Variants in ANO9 observed in about 807,000 individuals in gnomAD.
ANO9 encodes the protein anoctamin 9.
ANO9 carries 80 observed loss-of-function variants against 100.5 expected under a neutral mutation model. That is an observed-to-expected ratio of 0.80 (90% confidence interval 0.66 to 0.96). The LOEUF (loss-of-function observed/expected upper bound fraction) is 0.96. Among genes scored for constraint, ANO9 ranks in the 40% least tolerant of loss-of-function variants. The pLI is 0.00. For synonymous variants in ANO9, 473 were observed against 435.6 expected, an observed-to-expected ratio of 1.09 and a Z score of -1.07; for missense variants, 1,064 against 1,072.7, an observed-to-expected ratio of 0.99 and a Z score of 0.11.
At chr11:427,941 G>A (rs1348502792) in intron 15 of ANO9, 147 bp downstream of exon 15, 2 of 262,618 alleles carry the variant, frequency 7.6e-6, no homozygotes, top group Non-Finnish European at 1.3e-5. Flanking sequence ...GCTCACTGCA[G>A]GCTTTGCTCA....
At chr11:429,950 TG>T in intron 9 of ANO9, 132 bp from the exon 10 acceptor site, 1 of 915,788 alleles carries the variant, frequency 1.1e-6, no homozygotes, top group Non-Finnish European at 1.6e-6. Flanking sequence ...GGGCTGGGGC[TG>T]GGCCTCCCCG....
chr11:418,046 C>G lies in ANO9; in HGVS notation c.*325G>C, dbSNP rs1279223106. 1 of 336,062 alleles carries G rather than the reference C, an allele frequency of 3.0e-6. No individual in the cohort carries two copies. The highest frequency in any genetic ancestry group is 2.1e-5 in the African/African-American group (1 of 47,134). 20.8% of individuals were successfully genotyped at this position (336,062 alleles called of 1,614,324 possible). ...GATGGGGGCACGGCAGGATCTGGCG[C>G]CCAGAAGTCAGAGGGAGGCCCAGGA... On this transcript the variant is annotated 3_prime_UTR_variant, in exon 23 of 23. Transcript: ENST00000332826.
chr11:424,906 C>T (rs1246494397), intron 15 of ANO9, among the ~76,000 whole-genome samples: 2 of 151,928 alleles, frequency 1.3e-5, no homozygotes, highest in East Asian at 3.9e-4. Flanking sequence ...GAAATCTCTC[C>T]AGATGTTACA....
intron 1 of ANO9, among the ~76,000 whole-genome samples, chr11:436,629 C>G (rs1251717578): frequency 6.7e-6 from 1 of 149,910 alleles, no homozygotes; most frequent in African/African-American, 2.5e-5. Context: ...AGGGAGTGAG[C>G]AGGGAGTGAG....
intron 1 of ANO9, 39 bp downstream of exon 1, chr11:441,882 G>A (rs1845911413): frequency 1.7e-5 from 28 of 1,600,864 alleles, no homozygotes; most frequent in Non-Finnish European, 2.0e-5. Flanking sequence ...CGTGGCTGGG[G>A]GCCTTGAAGG....
At position 422,526 on chromosome 11, in the gene ANO9, T is replaced by G. The variant is rs890671108; in HGVS notation, c.1335-1328A>C. Reference sequence around the variant, plus strand: ...GGGAGCTGGCCTGACTCAGAAGGAATCAGAAGGACTCAGGACTCACTCAGA... The same window carrying G: ...GGGAGCTGGCCTGACTCAGAAGGAAGCAGAAGGACTCAGGACTCACTCAGA... On this transcript the variant is annotated intron_variant, in intron 15 of 22. Coordinates refer to ENST00000332826, the MANE Select transcript of ANO9 (RefSeq NM_001012302.3). The surrounding 1 kb of genome is among the most constrained non-coding windows in gnomAD (Gnocchi z 4.3). Among the ~76,000 whole-genome samples the G allele has an allele frequency of 6.6e-6, 1 of 152,176 alleles. No homozygotes were observed. The highest frequency in any genetic ancestry group is 2.4e-5 in the African/African-American group (1 of 41,448).
intron 9 of ANO9, 102 bp from the exon 10 acceptor site, chr11:429,920 G>T: frequency 8.6e-7 from 1 of 1,166,498 alleles, no homozygotes; most frequent in East Asian, 2.6e-5. Context: ...GGGGCAGGTG[G>T]GCTGAGGAAA....
chr11:436,905 A>T (rs578174203), intron 1 of ANO9, among the ~76,000 whole-genome samples: 1 of 1,658 alleles, frequency 6.0e-4, no homozygotes, highest in East Asian at 0.12. Context: ...GGAGGTGAGC[A>T]GGGGGTGAGC....
At position 422,301 on chromosome 11, in the gene ANO9, G is replaced by A. The variant is rs1241967535; in HGVS notation, c.1335-1103C>T. The stretch of plus-strand genomic sequence containing the variant: ...AACGGAGGATGTATTTGTAGTCAGA[G>A]CGATGGGCCGCAAAGACGTCCACGT... On this transcript the variant is annotated intron_variant, in intron 15 of 22. Coordinates refer to ENST00000332826, the MANE Select transcript of ANO9 (RefSeq NM_001012302.3). This position sits in a 1 kb window ranked among gnomAD's most constrained non-coding sequence, Gnocchi z 4.3. 6.6e-6 allele frequency among the ~76,000 whole-genome samples: 1 copy of A among 152,260 alleles called. No homozygotes were observed. The highest frequency in any genetic ancestry group is 1.5e-5 in the Non-Finnish European group (1 of 68,042).
chr11:420,098 G>T, intron 19 of ANO9: 1 of 1,312,210 alleles, frequency 7.6e-7, no homozygotes, highest in Non-Finnish European at 9.7e-7. Context: ...CACATCCAGC[G>T]CCCCAGCTCC....
rs1373561141 is a variant in ANO9 at position 422,038 on chromosome 11, A to G, written c.1335-840T>C. Among the ~76,000 whole-genome samples the G allele has an allele frequency of 6.6e-6, 1 of 152,248 alleles. No individual in the cohort carries two copies. The highest frequency in any genetic ancestry group is 2.4e-5 in the African/African-American group (1 of 41,468). On this transcript the variant is annotated intron_variant, in intron 15 of 22. Coordinates refer to ENST00000332826, the MANE Select transcript of ANO9 (RefSeq NM_001012302.3). The surrounding 1 kb of genome is among the most constrained non-coding windows in gnomAD (Gnocchi z 4.3). ...AACTGAAAGCCTGGGTGGATAAATC[A>G]ATCGAGTGCTCAAGTGGATACAAAA...
At position 432,063 on chromosome 11, in the gene ANO9, C is replaced by G. The variant is rs201816433; in HGVS notation, c.351-9G>C. On this transcript the variant is annotated splice_polypyrimidine_tract_variant and intron_variant, in intron 4 of 22. Transcript: ENST00000332826. This position sits in a 1 kb window ranked among gnomAD's most constrained non-coding sequence, Gnocchi z 4.8. ...CGATTCGGATTCTGAGACTCAAGAG[C>G]CAGAGCAGGGTGGCCCCGTGTGACC... The G allele has an allele frequency of 1.3e-5, 21 of 1,612,712 alleles. No homozygotes were observed. The highest frequency in any genetic ancestry group is 1.8e-5 in the Non-Finnish European group (21 of 1,179,742).
At position 441,922 on chromosome 11, in the gene ANO9, T is replaced by C; in HGVS notation, c.5A>G (p.Gln2Arg). ...GACCCTTTTGAGCGCAGGACTCACC[T>C]GCATGCTGGCTGTGGCCGGAGTTCC... is the stretch of plus-strand genomic sequence containing the variant. The part of the protein sequence containing the change: M[Q>R]GEESLRILVE... Residue 2 changes from glutamine to arginine, a missense_variant and splice_region_variant, in exon 1 of 23, where the codon CAG becomes CGG. By Grantham distance (43) the Gln-to-Arg change is conservative. Coordinates refer to ENST00000332826, the MANE Select transcript of ANO9 (RefSeq NM_001012302.3). The C allele has an allele frequency of 6.2e-7, 1 of 1,607,824 alleles. No homozygotes were observed.
intron 21 of ANO9, 30 bp from the exon 22 acceptor site, chr11:418,843 G>T (rs576751915): frequency 6.2e-7 from 1 of 1,613,594 alleles, no homozygotes; most frequent in African/African-American, 1.3e-5. Flanking sequence ...GAGGTCAGGG[G>T]TCAGGAGTTC....
At position 418,436 on chromosome 11, in the gene ANO9, G is replaced by A. The variant is rs1271384417; in HGVS notation, c.2284C>T (p.Arg762Trp). The A allele has an allele frequency of 3.0e-5, 49 of 1,612,404 alleles. No individual in the cohort carries two copies. The highest frequency in any genetic ancestry group is 1.7e-4 in the Admixed American group (10 of 59,986). The change falls in exon 23 of 23, where the codon CGG (arginine) becomes TGG (tryptophan). Residue 762 changes from arginine (R) to tryptophan (W), a missense_variant. By Grantham distance (101) the Arg-to-Trp change is moderately radical. Transcript: ENST00000332826. ...QRLGGVGAGS[R>W]PPMPAHPTPA... ...GTGGGATGGGCAGGCATTGGGGGCCGAGAGCCTGCCCCCACCCCACCCAGC... is the reference window on the plus strand; with the variant it reads ...GTGGGATGGGCAGGCATTGGGGGCCAAGAGCCTGCCCCCACCCCACCCAGC...
intron 9 of ANO9, 48 bp downstream of exon 9, chr11:430,035 C>T: frequency 1.3e-6 from 2 of 1,530,836 alleles, no homozygotes; most frequent in Non-Finnish European, 1.8e-6. Flanking sequence ...GGTGGATGCA[C>T]CGTTCCCATC....
intron 15 of ANO9, among the ~76,000 whole-genome samples, chr11:423,480 A>C (rs1848315021): frequency 6.6e-6 from 1 of 152,168 alleles, no homozygotes; most frequent in African/African-American, 2.4e-5. Context: ...TGCCCCTTGC[A>C]GCAAAACAAA....
At position 432,068 on chromosome 11, in the gene ANO9, G is replaced by T; in HGVS notation, c.351-14C>A. ...CGGATTCTGAGACTCAAGAGCCAGA[G>T]CAGGGTGGCCCCGTGTGACCACAGT... is the stretch of plus-strand genomic sequence containing the variant. On this transcript the variant is annotated splice_polypyrimidine_tract_variant and intron_variant, in intron 4 of 22. Coordinates refer to ENST00000332826, the MANE Select transcript of ANO9 (RefSeq NM_001012302.3). This position sits in a 1 kb window ranked among gnomAD's most constrained non-coding sequence, Gnocchi z 4.8. 6.2e-7 allele frequency: 1 copy of T among 1,612,592 alleles called. No individual in the cohort carries two copies. Among genetic ancestry groups the T allele is most frequent in the Non-Finnish European group, 8.5e-7 (1 of 1,179,728 alleles).
intron 1 of ANO9, among the ~76,000 whole-genome samples, chr11:436,971 A>G (rs541325694): frequency 1.7e-5 from 1 of 60,334 alleles, no homozygotes. Flanking sequence ...GGGGGTGAGC[A>G]GGGGGTGAGC....
Sources: gnomAD v4.1 joint callset for allele counts (sites outside exome capture counted in the v4.1 genomes callset) on GRCh38, gnomAD v4.1.1 for gene constraint, Gnocchi (gnomAD v3.1) non-coding constraint, MANE v1.5 for transcripts, NCBI Gene and HGNC (gene_info 2026-07-23, HGNC 2026-07-21) for gene names.